The following ZBTB20 variants were observed in gnomAD, a reference collection of about 807,000 sequenced individuals.
ZBTB20 encodes the protein zinc finger and BTB domain-containing protein 20.
Under a neutral mutation model 56.9 loss-of-function variants are expected in ZBTB20, and 9 were observed. The observed-to-expected ratio is 0.16, with a 90% CI of 0.10 to 0.28. The LOEUF (loss-of-function observed/expected upper bound fraction) is 0.28. Among genes scored for constraint, ZBTB20 ranks in the 10% least tolerant of loss-of-function variants. ZBTB20 has a pLI of 1.00. For missense variants in ZBTB20, 655 were observed against 1,003.0 expected, an observed-to-expected ratio of 0.65 and a Z score of 4.69; for synonymous variants, 417 against 420.7, an observed-to-expected ratio of 0.99 and a Z score of 0.11.
chr3:114,470,371 T>C (rs1051748811), intron 7 of ZBTB20, among the ~76,000 whole-genome samples: 7 of 152,162 alleles, frequency 4.6e-5, no homozygotes. Context: ...AAAATGTAAA[T>C]GTGGAAAATG....
intron 4 of ZBTB20, among the ~76,000 whole-genome samples, chr3:114,838,551 G>A (rs533168399): frequency 6.6e-6 from 1 of 152,166 alleles, no homozygotes; most frequent in African/African-American, 2.4e-5. Context: ...TGTGACTGGG[G>A]GGGGAAAGTC....
At chr3:114,989,109 G>C (rs1359620929) in intron 2 of ZBTB20, among the ~76,000 whole-genome samples, 1 of 152,136 alleles carries the variant, frequency 6.6e-6, no homozygotes, top group Non-Finnish European at 1.5e-5. Flanking sequence ...AGTTTAATTA[G>C]ATCCCATTTG....
intron 2 of ZBTB20, among the ~76,000 whole-genome samples, chr3:115,041,834 C>T (rs138508279): frequency 1.3e-5 from 2 of 152,282 alleles, no homozygotes; most frequent in East Asian, 3.9e-4. Context: ...AGTTTGAATA[C>T]TCAACAGTAG....
chr3:114,492,471 C>T (rs2042854859), intron 7 of ZBTB20, among the ~76,000 whole-genome samples: 1 of 152,026 alleles, frequency 6.6e-6, no homozygotes, highest in Non-Finnish European at 1.5e-5. Context: ...TCATTGTTGC[C>T]ACTTCTCTCT....
chr3:114,838,600 T>C (rs2074232835), intron 4 of ZBTB20, among the ~76,000 whole-genome samples: 1 of 152,168 alleles, frequency 6.6e-6, no homozygotes, highest in South Asian at 2.1e-4. Context: ...TGAACCCTGA[T>C]CTAATATGTA....
chr3:115,012,277 TGAACAAAC>T (rs1187488485), intron 2 of ZBTB20, among the ~76,000 whole-genome samples: 2 of 151,690 alleles, frequency 1.3e-5, no homozygotes, highest in Non-Finnish European at 2.9e-5. Flanking sequence ...AGTGGATGAA[TGAACAAAC>T]AAACAAAAAA....
chr3:114,755,445 T>A (rs1347198759), intron 5 of ZBTB20, among the ~76,000 whole-genome samples: 1 of 152,318 alleles, frequency 6.6e-6, no homozygotes, highest in African/African-American at 2.4e-5. Context: ...AGTACAGAAG[T>A]GTTTTATGAA....
At chr3:115,008,808 T>C (rs531056346) in intron 2 of ZBTB20, among the ~76,000 whole-genome samples, 17 of 152,036 alleles carry the variant, frequency 1.1e-4, no homozygotes, top group African/African-American at 4.1e-4. Context: ...TTAAACAAAG[T>C]ATATCTGTAA....
At chr3:114,354,568 T>TG (rs1361835598) in intron 10 of ZBTB20, among the ~76,000 whole-genome samples, 7 of 124,862 alleles carry the variant, frequency 5.6e-5, no homozygotes, top group Admixed American at 1.0e-4. Context: ...AACAGGTTTT[T>TG]TTTTGTTTTG....
chr3:114,369,487 A>C (rs2082767545), intron 10 of ZBTB20, among the ~76,000 whole-genome samples: 1 of 152,238 alleles, frequency 6.6e-6, no homozygotes, highest in Non-Finnish European at 1.5e-5. Context: ...AGTAGTGACA[A>C]AATAATCTCC....
At chr3:114,457,786 C>T (rs2109095093) in intron 7 of ZBTB20, among the ~76,000 whole-genome samples, 1 of 152,232 alleles carries the variant, frequency 6.6e-6, no homozygotes, top group South Asian at 2.1e-4. Flanking sequence ...GTAACTTGCT[C>T]AAGATCACAC....
chr3:114,919,066 T>G (rs761474682), intron 3 of ZBTB20, among the ~76,000 whole-genome samples: 5 of 152,174 alleles, frequency 3.3e-5, no homozygotes, highest in Admixed American at 6.5e-5. Flanking sequence ...AATTTCTCTC[T>G]TGTAAATCCC....
intron 2 of ZBTB20, among the ~76,000 whole-genome samples, chr3:114,975,152 T>G (rs976156148): frequency 6.6e-6 from 1 of 152,170 alleles, no homozygotes; most frequent in African/African-American, 2.4e-5. Flanking sequence ...AGGCAGGATG[T>G]TGAGTTTACT....
chr3:114,843,843 ATTTT>A (rs35664431), intron 4 of ZBTB20, among the ~76,000 whole-genome samples: 1 of 143,242 alleles, frequency 7.0e-6, no homozygotes, highest in Non-Finnish European at 1.5e-5. Context: ...CACCCGGCTA[ATTTT>A]TTTTTTTTTT....
chr3:115,036,537 C>A (rs1189788078), intron 2 of ZBTB20, among the ~76,000 whole-genome samples: 1 of 152,170 alleles, frequency 6.6e-6, no homozygotes, highest in East Asian at 1.9e-4. Context: ...GCCTCAGCCT[C>A]CCGAGTAGCT....
At chr3:114,558,675 CTG>C (rs1409368117) in intron 6 of ZBTB20, among the ~76,000 whole-genome samples, 1 of 152,084 alleles carries the variant, frequency 6.6e-6, no homozygotes, top group Non-Finnish European at 1.5e-5. Flanking sequence ...TACACAGAAA[CTG>C]TAGTGATTTC....
chr3:114,592,555 C>T (rs2055880394), intron 6 of ZBTB20, among the ~76,000 whole-genome samples: 1 of 152,168 alleles, frequency 6.6e-6, no homozygotes, highest in Non-Finnish European at 1.5e-5. Flanking sequence ...GTATCATCAA[C>T]CACAAACTAG....
chr3:115,027,286 T>A (rs1176382271), intron 2 of ZBTB20, among the ~76,000 whole-genome samples: 1 of 150,988 alleles, frequency 6.6e-6, no homozygotes, highest in Admixed American at 6.6e-5. Flanking sequence ...TGTTCTTTCA[T>A]TAAGGGAAAT....
chr3:114,461,408 T>C (rs1170466934), intron 7 of ZBTB20, among the ~76,000 whole-genome samples: 2 of 149,032 alleles, frequency 1.3e-5, no homozygotes, highest in African/African-American at 4.9e-5. Context: ...GCTCAAGGAA[T>C]CCTCCAGCCT....
Sources: allele counts gnomAD v4.1 joint callset (sites outside exome capture counted in the v4.1 genomes callset), GRCh38; gene constraint gnomAD v4.1.1; transcripts MANE v1.5; gene names NCBI Gene and HGNC (gene_info 2026-07-23, HGNC 2026-07-21).